Variants in SPIRE2 observed in about 807,000 individuals in gnomAD.
The protein encoded by SPIRE2 is protein spire homolog 2.
SPIRE2 carries 76 observed loss-of-function variants against 80.7 expected under a neutral mutation model. That is an observed-to-expected ratio of 0.94 (90% CI 0.78 to 1.14). The LOEUF (loss-of-function observed/expected upper bound fraction) is 1.14, where lower values mean the gene tolerates loss of function less well. Among genes scored for constraint, SPIRE2 ranks in the 50% most tolerant of loss-of-function variants. SPIRE2 has a pLI of 0.00. For missense variants in SPIRE2, 1,196 were observed against 1,015.3 expected (o/e 1.18, Z -2.42); for synonymous variants, 535 against 432.6 (o/e 1.24, Z -2.94).
chr16:89,855,497 G>T (rs889740826), intron 5 of SPIRE2, 103 bp from the exon 6 acceptor site: 1 of 949,810 alleles, frequency 1.1e-6, no homozygotes, highest in Non-Finnish European at 1.6e-6. Context: ...AGGGCGGGTA[G>T]GTGCGAAGAC....
rs1044429895 is a variant in SPIRE2, at chr16:89,870,388, C to T, written c.*116C>T. On this transcript the variant is annotated 3_prime_UTR_variant, in exon 15 of 15. Coordinates refer to ENST00000378247, the MANE Select transcript of SPIRE2 (RefSeq NM_032451.2). ...TATAGATACATTTATAATATATACA[C>T]ACAGTCTATATATTTATATACACTG... 16 of 642,754 alleles carry T rather than the reference C, an allele frequency of 2.5e-5. No homozygotes were observed. The Admixed American group carries it at 2.6e-4, about 11-fold the overall frequency. 39.8% of individuals were successfully genotyped at this position (642,754 alleles called of 1,614,324 possible). A position where few individuals can be genotyped will look rare whatever the true frequency, so the allele number is the denominator to read the frequency against.
chr16:89,837,681 C>G (rs780914575), intron 1 of SPIRE2, among the ~76,000 whole-genome samples: 2 of 151,448 alleles, frequency 1.3e-5, no homozygotes, highest in Non-Finnish European at 3.0e-5. Context: ...GCCTCCCGGA[C>G]TCGGGTCTCC....
chr16:89,833,086 G>T (rs906306153), intron 1 of SPIRE2, among the ~76,000 whole-genome samples: 1 of 151,196 alleles, frequency 6.6e-6, no homozygotes, highest in Admixed American at 6.6e-5. Context: ...TGCCTCCCCA[G>T]GTTCAAGTGA....
chr16:89,870,391 A>G lies in SPIRE2; in HGVS notation c.*119A>G. On this transcript the variant is annotated 3_prime_UTR_variant, in exon 15 of 15. Coordinates refer to ENST00000378247, the MANE Select transcript of SPIRE2 (RefSeq NM_032451.2). ...AGATACATTTATAATATATACACACAGTCTATATATTTATATACACTGTTT... is the reference window on the plus strand; with the variant it reads ...AGATACATTTATAATATATACACACGGTCTATATATTTATATACACTGTTT... 1.6e-6 allele frequency: 1 copy of G among 632,816 alleles called. No homozygotes were observed. The highest frequency in any genetic ancestry group is 2.7e-5 in the Admixed American group (1 of 37,058). 39.2% of individuals were successfully genotyped at this position (632,816 alleles called of 1,614,324 possible).
In SPIRE2 at chr16:89,859,236, G is replaced by T. The variant is rs965462496; in HGVS notation, c.1344G>T (p.Gln448His). 2 of 1,608,854 alleles carry T rather than the reference G, an allele frequency of 1.2e-6. No individual in the cohort carries two copies. The highest frequency in any genetic ancestry group is 2.2e-5 in the South Asian group (2 of 90,622). ...CCTTCTCAGAGCATGACCTGGCCCA[G>T]CTCCGAAGTGAGGTGGCCTCTGGCC... ...DRSFSEHDLA[Q>H]LRSEVASGLQ... Residue 448 changes from glutamine to histidine, a missense_variant, in exon 9 of 15, where the codon CAG becomes CAT. Gln to His is a conservative substitution (Grantham distance 24, BLOSUM62 0). Transcript: ENST00000378247.
chr16:89,836,857 T>C (rs1351140386), intron 1 of SPIRE2, among the ~76,000 whole-genome samples: 3 of 149,780 alleles, frequency 2.0e-5, no homozygotes, highest in Non-Finnish European at 4.4e-5. Context: ...TAGCTGGGCG[T>C]CGTGGTACAT....
intron 13 of SPIRE2, among the ~76,000 whole-genome samples, chr16:89,869,053 A>AAAAAAAAAAAATATATATATATAT: frequency 4.2e-5 from 1 of 24,030 alleles, no homozygotes; most frequent in African/African-American, 1.6e-4. Flanking sequence ...AAAAAAAAAA[A>AAAAAAAAAAAATATATATATATAT]ATATATATAT....
At chr16:89,843,302 T>C (rs549693134) in intron 1 of SPIRE2, among the ~76,000 whole-genome samples, 1 of 152,280 alleles carries the variant, frequency 6.6e-6, no homozygotes, top group East Asian at 1.9e-4. Context: ...AAACGGGAAG[T>C]GGAGCAACCA....
intron 1 of SPIRE2, among the ~76,000 whole-genome samples, chr16:89,839,871 G>A (rs964665416): frequency 6.6e-6 from 1 of 152,258 alleles, no homozygotes; most frequent in Non-Finnish European, 1.5e-5. Context: ...CTGGCCAGGG[G>A]GCCCTGGTGG....
rs1294254522 is a variant in SPIRE2 at position 89,863,604 on chromosome 16, G to T, written c.1704G>T (p.Lys568Asn). Residue 568 changes from lysine to asparagine, a missense_variant, in exon 11 of 15, where the codon AAG (lysine) becomes AAT (asparagine). Coordinates refer to ENST00000378247, the MANE Select transcript of SPIRE2 (RefSeq NM_032451.2). The surrounding 1 kb of genome is among the most constrained non-coding windows in gnomAD (Gnocchi z 4.3). ...AGGAGCTCTTCAGCAGTCTGAAGAA[G>T]GGGAAGGTGAGGCTGCCTAGACGTG... ...QNKELFSSLKKGKICCCCRAK... is the reference protein window; with the variant it reads ...QNKELFSSLKNGKICCCCRAK... 6.2e-7 allele frequency: 1 copy of T among 1,614,108 alleles called. No homozygotes were observed. The highest frequency in any genetic ancestry group is 1.3e-5 in the African/African-American group (1 of 75,068).
intron 2 of SPIRE2, among the ~76,000 whole-genome samples, chr16:89,849,209 G>C (rs2041596740): frequency 6.6e-6 from 1 of 152,270 alleles, no homozygotes; most frequent in African/African-American, 2.4e-5. Flanking sequence ...GAAGTGGACA[G>C]TGCCTGGGGG....
At chr16:89,869,143 T>A (rs1031436127) in intron 13 of SPIRE2, among the ~76,000 whole-genome samples, 5 of 145,766 alleles carry the variant, frequency 3.4e-5, no homozygotes, top group Non-Finnish European at 4.5e-5. Flanking sequence ...CCACTATTTT[T>A]AAATCTTACT....
intron 1 of SPIRE2, among the ~76,000 whole-genome samples, chr16:89,837,782 G>A (rs1007269086): frequency 6.6e-5 from 10 of 152,204 alleles, no homozygotes; most frequent in African/African-American, 2.2e-4. Context: ...TGCGGGGGGC[G>A]TGTGAGTTTA....
chr16:89,840,185 G>A (rs1598219344), intron 1 of SPIRE2, among the ~76,000 whole-genome samples: 1 of 152,048 alleles, frequency 6.6e-6, no homozygotes, highest in East Asian at 1.9e-4. Context: ...TGAAGCTGCT[G>A]GAGGAGCTGC....
chr16:89,850,956 G>A (rs936633950), intron 3 of SPIRE2, among the ~76,000 whole-genome samples: 1 of 151,950 alleles, frequency 6.6e-6, no homozygotes, highest in African/African-American at 2.4e-5. Flanking sequence ...CCTGCCACAG[G>A]CTCCCAGGTA....
chr16:89,851,113 G>A (rs1400540263), intron 3 of SPIRE2, among the ~76,000 whole-genome samples: 3 of 152,112 alleles, frequency 2.0e-5, no homozygotes, highest in Admixed American at 2.0e-4. Flanking sequence ...GAGCCACCAC[G>A]CCTGGCCTCA....
At chr16:89,869,053 A>AAAAAAAAAAATATAT in intron 13 of SPIRE2, among the ~76,000 whole-genome samples, 2 of 24,030 alleles carry the variant, frequency 8.3e-5, no homozygotes, top group Non-Finnish European at 1.5e-4. Flanking sequence ...AAAAAAAAAA[A>AAAAAAAAAAATATAT]ATATATATAT....
At chr16:89,868,255 A>G in intron 13 of SPIRE2, 39 bp downstream of exon 13, 1 of 1,608,712 alleles carries the variant, frequency 6.2e-7, no homozygotes, top group Non-Finnish European at 8.5e-7. Flanking sequence ...TGAGCAAGGC[A>G]GATGAGGGGC....
At chr16:89,836,208 C>A (rs766647599) in intron 1 of SPIRE2, 4 of 455,954 alleles carry the variant, frequency 8.8e-6, no homozygotes, top group South Asian at 6.2e-5. Context: ...AGGTTATTCT[C>A]TTACAGTTGA....
Sources: allele counts gnomAD v4.1 joint callset (sites outside exome capture counted in the v4.1 genomes callset), GRCh38; gene constraint gnomAD v4.1.1; non-coding constraint Gnocchi (gnomAD v3.1); transcripts MANE v1.5; gene names NCBI Gene and HGNC (gene_info 2026-07-23, HGNC 2026-07-21).